Variants in FBXL20 observed in about 807,000 individuals in gnomAD.
FBXL20 encodes F-box and leucine rich repeat protein 20.
Under a neutral mutation model 64.0 loss-of-function variants are expected in FBXL20, and 11 were observed. The observed-to-expected ratio is 0.17, with a 90% CI of 0.11 to 0.28. The LOEUF (loss-of-function observed/expected upper bound fraction) is 0.28. Ranked by LOEUF, FBXL20 falls within the 10% of genes least tolerant of loss-of-function variation. The pLI is 1.00. For missense variants in FBXL20, 303 were observed against 526.2 expected (o/e 0.58, Z 4.15); for synonymous variants, 184 against 189.0 (o/e 0.97, Z 0.22).
chr17:39,328,082 T>C (rs1046766763), intron 2 of FBXL20, among the ~76,000 whole-genome samples: 6 of 151,472 alleles, frequency 4.0e-5, no homozygotes, highest in Non-Finnish European at 7.4e-5. Flanking sequence ...ACCCCATCTC[T>C]ACTAAAAATA....
intron 1 of FBXL20, among the ~76,000 whole-genome samples, chr17:39,383,388 A>T (rs1319805736): frequency 6.6e-6 from 1 of 151,974 alleles, no homozygotes; most frequent in African/African-American, 2.4e-5. Context: ...TGGAAGGCTG[A>T]GGTGGGAAGA....
At chr17:39,385,788 T>C (rs983893840) in intron 1 of FBXL20, among the ~76,000 whole-genome samples, 2 of 152,208 alleles carry the variant, frequency 1.3e-5, no homozygotes, top group Admixed American at 6.5e-5. Context: ...TCCCAGCACT[T>C]TGGGAGGCCG....
rs368094288 is a variant in FBXL20, at chr17:39,315,868, A to AGAGAGC, written c.105-12230_105-12229insGCTCTC. The stretch of plus-strand genomic sequence containing the variant: ...GAGAGAGAGAGAGAGAGAGAGAGAG[A>AGAGAGC]GAGCAACTGTAGAGCGAAATTGGTT... On this transcript the variant is annotated intron_variant, in intron 2 of 14. Transcript: ENST00000264658. 7.1e-3 allele frequency among the ~76,000 whole-genome samples: 1,020 copies of AGAGAGC among 144,522 alleles called. 6 individuals carry two copies. The highest frequency in any genetic ancestry group is 0.014 in the Middle Eastern group (4 of 288). 94.8% of individuals were successfully genotyped at this position (144,522 alleles called of 152,430 possible).
At chr17:39,390,720 C>T (rs1242448593) in intron 1 of FBXL20, among the ~76,000 whole-genome samples, 1 of 152,144 alleles carries the variant, frequency 6.6e-6, no homozygotes, top group Non-Finnish European at 1.5e-5. Flanking sequence ...GATCAAGACC[C>T]TGTCTCAAAC....
chr17:39,286,193 C>T (rs574235820), intron 6 of FBXL20, among the ~76,000 whole-genome samples: 9 of 152,198 alleles, frequency 5.9e-5, no homozygotes, highest in African/African-American at 2.2e-4. Flanking sequence ...CCACATGTAC[C>T]ATCAGTAAAC....
At chr17:39,310,002 A>G (rs1268075030) in intron 2 of FBXL20, among the ~76,000 whole-genome samples, 3 of 151,396 alleles carry the variant, frequency 2.0e-5, no homozygotes, top group Admixed American at 2.0e-4. Context: ...AAAAAATACA[A>G]ACTACCTGGG....
At chr17:39,277,907 G>A (rs1486675023) in intron 9 of FBXL20, among the ~76,000 whole-genome samples, 4 of 151,978 alleles carry the variant, frequency 2.6e-5, no homozygotes, top group Admixed American at 1.3e-4. Flanking sequence ...ATTTTATCAC[G>A]CTGTAGGGAA....
chr17:39,382,840 A>T (rs2048038461), intron 1 of FBXL20, among the ~76,000 whole-genome samples: 1 of 151,896 alleles, frequency 6.6e-6, no homozygotes, highest in Non-Finnish European at 1.5e-5. Flanking sequence ...CGTTGTCTCT[A>T]ATAAGATAAA....
intron 2 of FBXL20, among the ~76,000 whole-genome samples, chr17:39,322,791 TTTTA>T (rs1384149790): frequency 7.2e-5 from 11 of 151,996 alleles, no homozygotes; most frequent in African/African-American, 2.4e-4. Flanking sequence ...TCATTAATGT[TTTTA>T]TTTATTTATT....
intron 1 of FBXL20, among the ~76,000 whole-genome samples, chr17:39,352,682 G>GAA (rs11373643): frequency 5.7e-4 from 70 of 122,734 alleles, no homozygotes; most frequent in Admixed American, 1.6e-3. Flanking sequence ...CTCTGTCTGG[G>GAA]AAAAAAAAAA....
At chr17:39,384,316 A>G (rs1022935096) in intron 1 of FBXL20, among the ~76,000 whole-genome samples, 2 of 151,882 alleles carry the variant, frequency 1.3e-5, no homozygotes, top group Admixed American at 6.6e-5. Flanking sequence ...TCAGAAGGCT[A>G]AGAGTTCAAA....
chr17:39,303,247 T>TAA (rs56985859), intron 3 of FBXL20, among the ~76,000 whole-genome samples: 38 of 147,230 alleles, frequency 2.6e-4, no homozygotes, highest in African/African-American at 7.4e-4. Flanking sequence ...TGTCCTTGTG[T>TAA]AAAAAAAAAA....
chr17:39,345,476 G>T (rs1482355798), intron 1 of FBXL20, among the ~76,000 whole-genome samples: 1 of 152,134 alleles, frequency 6.6e-6, no homozygotes, highest in Non-Finnish European at 1.5e-5. Flanking sequence ...GTAATGAAGA[G>T]AAAGCAGAAA....
At chr17:39,402,453 T>TGGCTGCGGAGCTGCACCTGA (rs2048258953), upstream of FBXL20, 2 of 295,972 alleles carry the variant, frequency 6.8e-6, no homozygotes, top group African/African-American at 4.4e-5. Flanking sequence ...GGTCCGGGGA[T>TGGCTGCGGAGCTGCACCTGA]GGCTGCGGAG....
chr17:39,369,279 T>TG (rs2047891823), intron 1 of FBXL20, among the ~76,000 whole-genome samples: 1 of 106,538 alleles, frequency 9.4e-6, no homozygotes, highest in Non-Finnish European at 1.8e-5. Flanking sequence ...TTTTTTTTTT[T>TG]GAGACAGAGT....
chr17:39,402,505 G>C (rs111624620), upstream of FBXL20: 1,528 of 310,824 alleles, frequency 4.9e-3, 16 homozygotes, highest in Admixed American at 5.9e-3. Flanking sequence ...GGCTGGAGCC[G>C]GGCAACCCTT....
At chr17:39,297,044 T>A in intron 6 of FBXL20, 83 bp downstream of exon 6, 1 of 860,248 alleles carries the variant, frequency 1.2e-6, no homozygotes. Flanking sequence ...ATTTGCTCAA[T>A]AGAGTTAATG....
At position 39,354,618 on chromosome 17, in the gene FBXL20, G is replaced by A. The variant is rs1343307747; in HGVS notation, c.43-11377C>T. On this transcript the variant is annotated intron_variant, in intron 1 of 14. Transcript: ENST00000264658. Reference sequence around the variant, plus strand: ...ATCAATGAATGTTATTTATACGTTAGGAATCTGGAAGTACTCTAATCCCTC... The same window carrying A: ...ATCAATGAATGTTATTTATACGTTAAGAATCTGGAAGTACTCTAATCCCTC... Among the ~76,000 whole-genome samples the A allele has an allele frequency of 2.0e-5, 3 of 152,166 alleles. 1 individual carries two copies. Among genetic ancestry groups the A allele is most frequent in the Admixed American group, 1.3e-4 (2 of 15,262 alleles).
At chr17:39,275,384 T>C (rs2144368393) in intron 9 of FBXL20, among the ~76,000 whole-genome samples, 1 of 152,146 alleles carries the variant, frequency 6.6e-6, no homozygotes, top group South Asian at 2.1e-4. Context: ...CATCATAGTT[T>C]AGGTTCAATT....
Sources: allele counts gnomAD v4.1 joint callset (sites outside exome capture counted in the v4.1 genomes callset), GRCh38; gene constraint gnomAD v4.1.1; transcripts MANE v1.5; gene names NCBI Gene and HGNC (gene_info 2026-07-23, HGNC 2026-07-21).